SCUBE1: variants seen among roughly 807,000 people sequenced by gnomAD.
SCUBE1 encodes the protein signal peptide, CUB and EGF-like domain-containing protein 1.
A neutral mutation model predicts 124.4 loss-of-function variants in SCUBE1; 59 were observed. The ratio of observed to expected loss-of-function variants is 0.47; its 90% CI spans 0.38 to 0.59. The LOEUF (loss-of-function observed/expected upper bound fraction) is 0.59, where lower values mean the gene tolerates loss of function less well. Ranked by LOEUF, SCUBE1 falls within the 20% of genes least tolerant of loss-of-function variation. The probability of loss-of-function intolerance (pLI) is 0.00; values close to 1 mark genes in which losing one functional copy is unlikely to be tolerated. For synonymous variants in SCUBE1, 545 were observed against 550.9 expected, an observed-to-expected ratio of 0.99 and a Z score of 0.15; for missense variants, 1,150 against 1,371.2, an observed-to-expected ratio of 0.84 and a Z score of 2.55.
At chr22:43,238,809 G>A in intron 7 of SCUBE1, 29 bp downstream of exon 7, 1 of 1,574,670 alleles carries the variant, frequency 6.4e-7, no homozygotes, top group South Asian at 1.1e-5. Flanking sequence ...AGTACAGGCA[G>A]GGGCACCCAC....
intron 2 of SCUBE1, among the ~76,000 whole-genome samples, chr22:43,329,512 A>G (rs1394117909): frequency 6.6e-6 from 1 of 152,270 alleles, no homozygotes; most frequent in African/African-American, 2.4e-5. Context: ...ACACACTCCC[A>G]GCTCCACTTC....
At position 43,255,671 on chromosome 22, in the gene SCUBE1, G is replaced by T; in HGVS notation, c.727+2548C>A. 2 of 1,106,236 alleles carry T rather than the reference G, an allele frequency of 1.8e-6. No individual in the cohort carries two copies. The highest frequency in any genetic ancestry group is 2.7e-6 in the Non-Finnish European group (2 of 750,358). The allele number at this position is 1,106,236 out of a possible 1,614,324, so 68.5% of individuals were successfully genotyped here. A position where few individuals can be genotyped will look rare whatever the true frequency, so the allele number is the denominator to read the frequency against. On this transcript the variant is annotated intron_variant, in intron 6 of 21. Transcript: ENST00000360835. The surrounding 1 kb of genome is among the most constrained non-coding windows in gnomAD (Gnocchi z 4.7). ...CAGTCAGCCTCTCGGCGTGGCGCAC[G>T]CAAAGCCAACACAACACGCCGGCCA...
At chr22:43,339,623 C>G (rs548400953) in intron 1 of SCUBE1, among the ~76,000 whole-genome samples, 1 of 128,060 alleles carries the variant, frequency 7.8e-6, no homozygotes, top group East Asian at 2.3e-4. Context: ...ATCCCCTACT[C>G]TCCTTACTCT....
At chr22:43,327,736 G>A (rs1213233653) in intron 2 of SCUBE1, among the ~76,000 whole-genome samples, 3 of 152,162 alleles carry the variant, frequency 2.0e-5, no homozygotes, top group African/African-American at 7.2e-5. Context: ...GCAGTGAGCC[G>A]AGATCATGCC....
chr22:43,261,607 A>G (rs1327038479), intron 5 of SCUBE1, among the ~76,000 whole-genome samples: 1 of 152,250 alleles, frequency 6.6e-6, no homozygotes. Flanking sequence ...TCCTCTCCAC[A>G]GAAAGATGGG....
chr22:43,253,721 C>CT (rs1411151827), intron 6 of SCUBE1, among the ~76,000 whole-genome samples: 1 of 124,792 alleles, frequency 8.0e-6, no homozygotes, highest in Non-Finnish European at 1.6e-5. Context: ...CTCCTCCCCC[C>CT]GCCTGCACCA....
chr22:43,212,333 T>C lies in SCUBE1; in HGVS notation c.2221+92A>G, dbSNP rs920305050. 2.1e-5 allele frequency: 28 copies of C among 1,344,500 alleles called. No individual in the cohort carries two copies. The South Asian group carries it at 2.9e-4, about 14-fold the overall frequency. 83.3% of individuals were successfully genotyped at this position (1,344,500 alleles called of 1,614,324 possible). A position where few individuals can be genotyped will look rare whatever the true frequency, so the allele number is the denominator to read the frequency against. ...CCTCTGAGCTGGGAGGTTCGCCACA[T>C]GGAGGAGATGAGAGGGGTTCGGGGA... On this transcript the variant is annotated intron_variant, in intron 17 of 21. Transcript: ENST00000360835.
rs1921516835 is a variant in SCUBE1, at chr22:43,210,859, C to T, written c.2383+63G>A. On this transcript the variant is annotated intron_variant, in intron 18 of 21. Coordinates refer to ENST00000360835, the MANE Select transcript of SCUBE1 (RefSeq NM_173050.5). The surrounding 1 kb of genome is among the most constrained non-coding windows in gnomAD (Gnocchi z 4.5). ...CGTGTGAGATCAGGTCTCCTCCCGC[C>T]CCCACAACCTGCCCAGCCCCTCCCG... 3 of 1,589,134 alleles carry T rather than the reference C, an allele frequency of 1.9e-6. No homozygotes were observed.
rs539804144 is a variant in SCUBE1 at position 43,243,953 on chromosome 22, G to T, written c.728-4999C>A. 3.9e-5 allele frequency among the ~76,000 whole-genome samples: 6 copies of T among 152,296 alleles called. No individual in the cohort carries two copies. The South Asian group carries it at 1.2e-3, about 32-fold the overall frequency. Reference sequence around the variant, plus strand: ...CAATGATTATTATCTGAACTTCCCTGCCCTGCTAGGATGCGCCTTGGACAC... The same window carrying T: ...CAATGATTATTATCTGAACTTCCCTTCCCTGCTAGGATGCGCCTTGGACAC... On this transcript the variant is annotated intron_variant, in intron 6 of 21. Transcript: ENST00000360835.
intron 4 of SCUBE1, among the ~76,000 whole-genome samples, chr22:43,286,666 A>G (rs1925158175): frequency 2.0e-5 from 3 of 152,210 alleles, no homozygotes; most frequent in Non-Finnish European, 4.4e-5. Flanking sequence ...ATGACTGTAC[A>G]GGAACTCTTA....
chr22:43,335,955 ATGATGATGG>A lies in SCUBE1; in HGVS notation c.220+3140_220+3148del, dbSNP rs1472138169. On this transcript the variant is annotated intron_variant, in intron 2 of 21. Transcript: ENST00000360835. ...GATGATGATGGTGATGAAGATGATAATGATGATGGTGATGATGATGATGGTGATGATGAT... is the reference window on the plus strand; with the variant it reads ...GATGATGATGGTGATGAAGATGATAATGATGATGATGATGGTGATGATGAT... 5.3e-5 allele frequency among the ~76,000 whole-genome samples: 8 copies of A among 151,258 alleles called. No individual in the cohort carries two copies. The South Asian group carries it at 6.3e-4, about 12-fold the overall frequency.
rs180930568 is a variant in SCUBE1 at position 43,255,894 on chromosome 22, G to A, written c.727+2325C>T. Among the ~76,000 whole-genome samples, 59 of 152,248 alleles carry A rather than the reference G, an allele frequency of 3.9e-4. No individual in the cohort carries two copies. The East Asian group carries it at 5.2e-3, about 13-fold the overall frequency. On this transcript the variant is annotated intron_variant, in intron 6 of 21. Coordinates refer to ENST00000360835, the MANE Select transcript of SCUBE1 (RefSeq NM_173050.5). This position sits in a 1 kb window ranked among gnomAD's most constrained non-coding sequence, Gnocchi z 4.7. ...GAAGGAGGCTGAGGTCAGGGCAGAC[G>A]GGATTCGTCCGCAGAGAGCCACAGA...
At chr22:43,331,382 T>TCCCATATG (rs1926897968) in intron 2 of SCUBE1, among the ~76,000 whole-genome samples, 1 of 152,166 alleles carries the variant, frequency 6.6e-6, no homozygotes, top group South Asian at 2.1e-4. Flanking sequence ...CAAAGTTATT[T>TCCCATATG]CCCCCAAGAG....
At chr22:43,233,936 G>A (rs977442823) in intron 7 of SCUBE1, among the ~76,000 whole-genome samples, 3 of 151,852 alleles carry the variant, frequency 2.0e-5, no homozygotes. Context: ...GTATCATCTC[G>A]TGTGACCTTC....
chr22:43,326,024 C>T (rs1465698305), intron 2 of SCUBE1, among the ~76,000 whole-genome samples: 1 of 151,654 alleles, frequency 6.6e-6, no homozygotes, highest in Non-Finnish European at 1.5e-5. Flanking sequence ...TCTAAAAGAT[C>T]CTATTGCAAT....
At position 43,203,684 on chromosome 22, in the gene SCUBE1, C is replaced by T. The variant is rs1046102819; in HGVS notation, c.*313G>A. The T allele has an allele frequency of 1.5e-5, 4 of 269,100 alleles. No individual in the cohort carries two copies. The highest frequency in any genetic ancestry group is 5.6e-5 in the South Asian group (1 of 17,806). The allele number at this position is 269,100 out of a possible 1,614,324, so 16.7% of individuals were successfully genotyped here. A position where few individuals can be genotyped will look rare whatever the true frequency, so the allele number is the denominator to read the frequency against. ...GCCCCACTTCCCCTCTCTCCTGAAA[C>T]GCCAGGCCAGGCAGAGGGTCCTGCA... On this transcript the variant is annotated 3_prime_UTR_variant, in exon 22 of 22. Coordinates refer to ENST00000360835, the MANE Select transcript of SCUBE1 (RefSeq NM_173050.5).
intron 4 of SCUBE1, among the ~76,000 whole-genome samples, chr22:43,279,439 T>A (rs1924671541): frequency 6.6e-6 from 1 of 152,238 alleles, no homozygotes; most frequent in African/African-American, 2.4e-5. Context: ...AGAGTAAGCA[T>A]GTGCTACGGT....
chr22:43,337,442 A>G (rs959049753), intron 2 of SCUBE1, among the ~76,000 whole-genome samples: 1 of 152,200 alleles, frequency 6.6e-6, no homozygotes, highest in African/African-American at 2.4e-5. Flanking sequence ...GGCAGAGTAG[A>G]GGGTCAGAAA....
chr22:43,290,861 G>C (rs1325351914), intron 4 of SCUBE1, among the ~76,000 whole-genome samples, 185 bp downstream of exon 4: 1 of 152,248 alleles, frequency 6.6e-6, no homozygotes, highest in Non-Finnish European at 1.5e-5. Flanking sequence ...GTAGCAGGTA[G>C]AGGGAAGGAA....
Sources: gnomAD v4.1 joint callset for allele counts (sites outside exome capture counted in the v4.1 genomes callset) on GRCh38, gnomAD v4.1.1 for gene constraint, Gnocchi (gnomAD v3.1) non-coding constraint, MANE v1.5 for transcripts, NCBI Gene and HGNC (gene_info 2026-07-23, HGNC 2026-07-21) for gene names.